Variants in KCNH7 observed in about 807,000 individuals in gnomAD.
The protein encoded by KCNH7 is voltage-gated inwardly rectifying potassium channel KCNH7.
KCNH7 carries 49 observed loss-of-function variants against 120.8 expected under a neutral mutation model. The ratio of observed to expected loss-of-function variants is 0.41; its 90% confidence interval spans 0.32 to 0.51. KCNH7 has a LOEUF of 0.51. Among genes scored for constraint, KCNH7 ranks in the 20% least tolerant of loss-of-function variants. The pLI, the probability that KCNH7 is intolerant of heterozygous loss-of-function variation, is 0.38. For synonymous variants in KCNH7, 547 were observed against 516.1 expected (o/e 1.06, Z -0.81); for missense variants, 1,097 against 1,446.6 (o/e 0.76, Z 3.92).
At chr2:162,663,997 C>G (rs1192706523) in intron 2 of KCNH7, among the ~76,000 whole-genome samples, 1 of 152,110 alleles carries the variant, frequency 6.6e-6, no homozygotes, top group Non-Finnish European at 1.5e-5. Flanking sequence ...ACCAACTCAA[C>G]TTTCTTTCCA....
chr2:162,416,287 C>T (rs530292788), intron 9 of KCNH7, among the ~76,000 whole-genome samples: 1 of 150,996 alleles, frequency 6.6e-6, no homozygotes, highest in East Asian at 2.0e-4. Context: ...ACAGGAGAAT[C>T]GCTTGAACCC....
chr2:162,647,440 C>T (rs1352041150), intron 2 of KCNH7, among the ~76,000 whole-genome samples: 1 of 152,150 alleles, frequency 6.6e-6, no homozygotes, highest in African/African-American at 2.4e-5. Context: ...GCCACATTTA[C>T]AGATTCTTTA....
intron 2 of KCNH7, among the ~76,000 whole-genome samples, chr2:162,773,488 A>G (rs1369291166): frequency 6.6e-6 from 1 of 152,130 alleles, no homozygotes; most frequent in Non-Finnish European, 1.5e-5. Context: ...GAGACTGTCT[A>G]AAAAAACAAA....
At chr2:162,493,132 C>G (rs1240724515) in intron 6 of KCNH7, among the ~76,000 whole-genome samples, 1 of 151,964 alleles carries the variant, frequency 6.6e-6, no homozygotes, top group African/African-American at 2.4e-5. Flanking sequence ...GGTATGCCTG[C>G]TTTTTGGCCT....
At chr2:162,419,274 TA>T (rs758417385) in intron 9 of KCNH7, among the ~76,000 whole-genome samples, 4,356 of 61,888 alleles carry the variant, frequency 0.07, 60 homozygotes, top group Non-Finnish European at 0.097. Context: ...TGTCCCAGGC[TA>T]AAAAAAAAAA....
intron 2 of KCNH7, among the ~76,000 whole-genome samples, chr2:162,658,030 G>A (rs556583554): frequency 5.3e-5 from 8 of 151,764 alleles, no homozygotes; most frequent in Middle Eastern, 3.4e-3. Context: ...GGGATCTCAG[G>A]AATTAGATTA....
At chr2:162,387,970 G>T (rs1432048368) in intron 12 of KCNH7, among the ~76,000 whole-genome samples, 1 of 151,698 alleles carries the variant, frequency 6.6e-6, no homozygotes, top group South Asian at 2.1e-4. Context: ...CATTTAAGGT[G>T]CTCTCTCAGC....
chr2:162,459,762 G>T (rs950492675), intron 6 of KCNH7, among the ~76,000 whole-genome samples: 5 of 152,074 alleles, frequency 3.3e-5, no homozygotes, highest in Non-Finnish European at 7.4e-5. Context: ...CCATTGGTTT[G>T]GTGGCCTTTG....
At chr2:162,388,891 A>G (rs982475855) in intron 12 of KCNH7, among the ~76,000 whole-genome samples, 2 of 151,958 alleles carry the variant, frequency 1.3e-5, no homozygotes, top group African/African-American at 2.4e-5. Context: ...TTTCTAGCAC[A>G]TTGGATTTTT....
chr2:162,770,825 G>C (rs181871714), intron 2 of KCNH7, among the ~76,000 whole-genome samples: 1 of 151,838 alleles, frequency 6.6e-6, no homozygotes, highest in South Asian at 2.1e-4. Context: ...TGCAACTAAC[G>C]TCCCACTAGT....
chr2:162,812,643 A>C (rs923298139), intron 2 of KCNH7, among the ~76,000 whole-genome samples: 3 of 152,126 alleles, frequency 2.0e-5, no homozygotes, highest in Non-Finnish European at 4.4e-5. Flanking sequence ...AGTGAAGCTG[A>C]AATAACCTTT....
intron 6 of KCNH7, among the ~76,000 whole-genome samples, chr2:162,467,390 C>T (rs970773599): frequency 6.6e-5 from 10 of 152,202 alleles, no homozygotes; most frequent in Admixed American, 2.6e-4. Flanking sequence ...CCCTCATGAA[C>T]GGCCTTGCAC....
intron 2 of KCNH7, among the ~76,000 whole-genome samples, chr2:162,763,921 G>T (rs538437900): frequency 2.0e-5 from 3 of 152,074 alleles, no homozygotes; most frequent in East Asian, 3.9e-4. Flanking sequence ...ATAACAAATT[G>T]ATGTGAGGAA....
chr2:162,589,366 G>T (rs1054267933), intron 2 of KCNH7, among the ~76,000 whole-genome samples: 1 of 152,056 alleles, frequency 6.6e-6, no homozygotes, highest in African/African-American at 2.4e-5. Flanking sequence ...TAGCTTAGAT[G>T]CATTGCCATG....
intron 2 of KCNH7, among the ~76,000 whole-genome samples, chr2:162,747,134 T>C (rs1436728359): frequency 6.6e-6 from 1 of 152,124 alleles, no homozygotes; most frequent in Admixed American, 6.5e-5. Flanking sequence ...TGTAGCAGAC[T>C]GAGTATTCCA....
At chr2:162,728,200 C>T (rs571848238) in intron 2 of KCNH7, among the ~76,000 whole-genome samples, 9 of 150,492 alleles carry the variant, frequency 6.0e-5, no homozygotes, top group Middle Eastern at 6.8e-3. Context: ...CATTCTAAAA[C>T]GTAAGTAGTG....
chr2:162,378,966 A>T (rs1201771038), intron 14 of KCNH7, among the ~76,000 whole-genome samples: 1 of 152,202 alleles, frequency 6.6e-6, no homozygotes, highest in African/African-American at 2.4e-5. Context: ...AAATGCATGA[A>T]CATTGTGTAA....
chr2:162,472,748 C>G (rs943397643), intron 6 of KCNH7, among the ~76,000 whole-genome samples: 2 of 152,140 alleles, frequency 1.3e-5, no homozygotes, highest in Non-Finnish European at 2.9e-5. Flanking sequence ...GGTATACACC[C>G]AAAGGATTAT....
At chr2:162,599,089 C>G (rs1694468618) in intron 2 of KCNH7, among the ~76,000 whole-genome samples, 1 of 151,870 alleles carries the variant, frequency 6.6e-6, no homozygotes, top group South Asian at 2.1e-4. Flanking sequence ...AACCCTGTCT[C>G]TACTAAAAAT....
Sources: gnomAD v4.1 joint callset for allele counts (sites outside exome capture counted in the v4.1 genomes callset) on GRCh38, gnomAD v4.1.1 for gene constraint, MANE v1.5 for transcripts, NCBI Gene and HGNC (gene_info 2026-07-23, HGNC 2026-07-21) for gene names.